The following USP45 variants were observed in gnomAD, a reference collection of about 807,000 sequenced individuals.
USP45 encodes the protein ubiquitin specific peptidase 45.
A neutral mutation model predicts 95.8 loss-of-function variants in USP45; 89 were observed. The observed-to-expected ratio is 0.93, with a 90% CI of 0.78 to 1.11. The LOEUF (loss-of-function observed/expected upper bound fraction) is 1.11. USP45 is among the 50% of genes least tolerant of loss of function. USP45 has a pLI of 0.00. For missense variants in USP45, 898 were observed against 942.5 expected, an observed-to-expected ratio of 0.95 and a Z score of 0.62; for synonymous variants, 281 against 316.2, an observed-to-expected ratio of 0.89 and a Z score of 1.18.
chr6:99,499,146 G>T (rs923484069), intron 5 of USP45, among the ~76,000 whole-genome samples: 2 of 152,094 alleles, frequency 1.3e-5, no homozygotes, highest in African/African-American at 4.8e-5. Context: ...ATGCTTTAAA[G>T]AGAAAGAAAA....
intron 7 of USP45, among the ~76,000 whole-genome samples, chr6:99,485,175 C>CAAAAAAAAAAAAAAA (rs1190400783): frequency 3.4e-5 from 3 of 88,692 alleles, no homozygotes; most frequent in African/African-American, 8.3e-5. Flanking sequence ...ACTAAAAATA[C>CAAAAAAAAAAAAAAA]AAAAAAAAAA....
intron 14 of USP45, among the ~76,000 whole-genome samples, chr6:99,445,483 C>CAA (rs1235358967): frequency 3.1e-5 from 3 of 97,636 alleles, no homozygotes; most frequent in Non-Finnish European, 4.4e-5. Flanking sequence ...ACTCCATCTC[C>CAA]AAAAAAAAAA....
rs1328861779 is a variant in USP45, at chr6:99,437,235, G to C, written c.2314+11C>G. 2 of 1,595,468 alleles carry C rather than the reference G, an allele frequency of 1.3e-6. No homozygotes were observed. Among genetic ancestry groups the C allele is most frequent in the Non-Finnish European group, 1.7e-6 (2 of 1,175,084 alleles). ...TGTTTTTAAGAATAAAATAAACTTA[G>C]GATGGCATACCAGGCACATTTTTCT... is the stretch of plus-strand genomic sequence containing the variant. On this transcript the variant is annotated intron_variant, in intron 17 of 17. Coordinates refer to ENST00000500704, the MANE Select transcript of USP45 (RefSeq NM_001346022.3).
chr6:99,460,286 T>C (rs993255616), intron 13 of USP45, among the ~76,000 whole-genome samples: 4 of 152,206 alleles, frequency 2.6e-5, no homozygotes, highest in Non-Finnish European at 5.9e-5. Flanking sequence ...CTTCTCTTTT[T>C]GTTACAGACA....
chr6:99,445,973 G>A lies in USP45; in HGVS notation c.1799C>T (p.Pro600Leu). Residue 600 changes from proline to leucine, a missense_variant, in exon 14 of 18, where the codon CCC becomes CTC. Pro to Leu is a moderately conservative substitution (Grantham distance 98). Transcript: ENST00000500704. ...AGAAAGGGTCTGAAAAGCATTTTGG[G>A]GACTATAAGACCTCAAATGCTTCCC... is the stretch of plus-strand genomic sequence containing the variant. ...LEGKHLRSYS[P>L]QNAFQTLSQS... 1 of 1,613,740 alleles carries A rather than the reference G, an allele frequency of 6.2e-7. No individual in the cohort carries two copies. Among genetic ancestry groups the A allele is most frequent in the Non-Finnish European group, 8.5e-7 (1 of 1,179,954 alleles).
intron 2 of USP45, 123 bp from the exon 3 acceptor site, chr6:99,508,905 A>G (rs749843727): frequency 2.3e-5 from 17 of 742,574 alleles, no homozygotes; most frequent in Non-Finnish European, 3.4e-5. Flanking sequence ...AACACACAAA[A>G]TAACTCAAAA....
At position 99,434,504 on chromosome 6, in the gene USP45, G is replaced by A. The variant is rs554188860; in HGVS notation, c.*1212C>T. On this transcript the variant is annotated 3_prime_UTR_variant, in exon 18 of 18. Coordinates refer to ENST00000500704, the MANE Select transcript of USP45 (RefSeq NM_001346022.3). ...ATTATCTTTTGATATTTAAGCCTAAGTAATAGTATATTCTTCATGCCAAGT... is the reference window on the plus strand; with the variant it reads ...ATTATCTTTTGATATTTAAGCCTAAATAATAGTATATTCTTCATGCCAAGT... The A allele has an allele frequency of 2.6e-5, 4 of 152,218 alleles. No homozygotes were observed. In the South Asian group the frequency reaches 6.2e-4, roughly 24 times the overall value. 9.4% of individuals were successfully genotyped at this position (152,218 alleles called of 1,614,324 possible).
chr6:99,499,571 T>C (rs1796973638), intron 5 of USP45, among the ~76,000 whole-genome samples: 1 of 152,186 alleles, frequency 6.6e-6, no homozygotes, highest in Non-Finnish European at 1.5e-5. Context: ...TAATGACATC[T>C]TGCCCTAGAA....
At chr6:99,455,484 A>C (rs945734908) in intron 13 of USP45, among the ~76,000 whole-genome samples, 1 of 149,234 alleles carries the variant, frequency 6.7e-6, no homozygotes, top group Non-Finnish European at 1.5e-5. Flanking sequence ...ACAACAACAA[A>C]CTAAAATATA....
chr6:99,503,272 T>C (rs917684068), intron 5 of USP45, among the ~76,000 whole-genome samples: 4 of 152,054 alleles, frequency 2.6e-5, no homozygotes, highest in Admixed American at 2.0e-4. Context: ...GTTTCTCAAA[T>C]TGGTTATATA....
intron 13 of USP45, chr6:99,460,770 C>A (rs1786243432): frequency 1.0e-6 from 1 of 984,318 alleles, no homozygotes; most frequent in Non-Finnish European, 1.2e-6. Context: ...GAATATAACC[C>A]CAATGATGAG....
Position 99,435,659 on chromosome 6 carries a change from T to C in USP45, c.*57A>G. On this transcript the variant is annotated 3_prime_UTR_variant, in exon 18 of 18. Transcript: ENST00000500704. ...GACTAGAAAGGCACATTATATATTA[T>C]AGTTATCACTGTGGCATTCAAAAAC... 1 of 1,481,602 alleles carries C rather than the reference T, an allele frequency of 6.7e-7. No homozygotes were observed. The highest frequency in any genetic ancestry group is 9.3e-7 in the Non-Finnish European group (1 of 1,079,296). The allele number at this position is 1,481,602 out of a possible 1,614,324, so 91.8% of individuals were successfully genotyped here. A position where few individuals can be genotyped will look rare whatever the true frequency, so the allele number is the denominator to read the frequency against.
At chr6:99,440,960 T>C (rs1781408855) in intron 15 of USP45, among the ~76,000 whole-genome samples, 1 of 152,222 alleles carries the variant, frequency 6.6e-6, no homozygotes, top group Admixed American at 6.5e-5. Flanking sequence ...TGAAGGACTT[T>C]AATATAAGAT....
At position 99,445,783 on chromosome 6, in the gene USP45, A is replaced by C. The variant is rs979940819; in HGVS notation, c.1975+14T>G. 64 of 1,519,662 alleles carry C rather than the reference A, an allele frequency of 4.2e-5. No homozygotes were observed. Among genetic ancestry groups the C allele is most frequent in the Non-Finnish European group, 5.5e-5 (62 of 1,136,876 alleles). 94.1% of individuals were successfully genotyped at this position (1,519,662 alleles called of 1,614,324 possible). On this transcript the variant is annotated intron_variant, in intron 14 of 17. Transcript: ENST00000500704. ...TCAGGAGATCAATAATTATGTAATT[A>C]AAAAAATAATTACCTGCAAAACTGG...
intron 5 of USP45, among the ~76,000 whole-genome samples, chr6:99,496,618 C>G (rs558078427): frequency 6.6e-6 from 1 of 152,196 alleles, no homozygotes; most frequent in Middle Eastern, 3.4e-3. Flanking sequence ...ATCTATTTCA[C>G]AAAAAATAAA....
At chr6:99,457,375 C>T (rs1435526806) in intron 13 of USP45, among the ~76,000 whole-genome samples, 2 of 152,136 alleles carry the variant, frequency 1.3e-5, no homozygotes, top group African/African-American at 4.8e-5. Flanking sequence ...TGATGTCTCC[C>T]CTGGACGCCC....
At chr6:99,479,113 G>A (rs1453353135) in intron 8 of USP45, among the ~76,000 whole-genome samples, 1 of 151,802 alleles carries the variant, frequency 6.6e-6, no homozygotes, top group Admixed American at 6.6e-5. Flanking sequence ...ACTTTGGGGG[G>A]TGATGGATAC....
intron 14 of USP45, among the ~76,000 whole-genome samples, chr6:99,444,715 C>T (rs1161789695): frequency 2.6e-5 from 4 of 152,196 alleles, no homozygotes; most frequent in Admixed American, 2.0e-4. Context: ...CCTGCTTAGC[C>T]TGCCTTACCC....
chr6:99,502,739 G>C (rs1220573326), intron 5 of USP45, among the ~76,000 whole-genome samples: 2 of 152,210 alleles, frequency 1.3e-5, no homozygotes, highest in African/African-American at 4.8e-5. Context: ...TCTCACGAAT[G>C]GTTTAGCTCC....
Sources: gnomAD v4.1 joint callset for allele counts (sites outside exome capture counted in the v4.1 genomes callset) on GRCh38, gnomAD v4.1.1 for gene constraint, MANE v1.5 for transcripts, NCBI Gene and HGNC (gene_info 2026-07-23, HGNC 2026-07-21) for gene names.